The following CNTLN variants were observed in gnomAD, a reference collection of about 807,000 sequenced individuals.
CNTLN encodes centlein, centrosomal protein.
A neutral mutation model predicts 180.0 loss-of-function variants in CNTLN; 212 were observed. The ratio of observed to expected loss-of-function variants is 1.18; its 90% CI spans 1.05 to 1.32. The LOEUF is 1.32. Ranked by LOEUF, CNTLN falls within the 40% of genes most tolerant of loss-of-function variation. CNTLN has a pLI of 0.00. For synonymous variants in CNTLN, 722 were observed against 563.1 expected, an observed-to-expected ratio of 1.28 and a Z score of -3.99; for missense variants, 2,095 against 1,610.9, an observed-to-expected ratio of 1.30 and a Z score of -5.14.
intron 23 of CNTLN, among the ~76,000 whole-genome samples, chr9:17,483,736 C>T (rs1832762644): frequency 6.6e-6 from 1 of 152,282 alleles, no homozygotes; most frequent in South Asian, 2.1e-4. Flanking sequence ...TTTCTTCAAT[C>T]CTTCATTGTT....
At chr9:17,491,188 A>G (rs1833142895) in intron 25 of CNTLN, among the ~76,000 whole-genome samples, 1 of 152,070 alleles carries the variant, frequency 6.6e-6, no homozygotes, top group East Asian at 1.9e-4. Context: ...AATGAAAATA[A>G]TTAGTGGAAA....
chr9:17,263,675 C>G (rs141406804), intron 5 of CNTLN, among the ~76,000 whole-genome samples: 2 of 143,284 alleles, frequency 1.4e-5, no homozygotes, highest in Admixed American at 6.9e-5. Context: ...TAAAAGTGTT[C>G]CTATTTCTGC....
chr9:17,475,651 T>A (rs1330051713), intron 23 of CNTLN, among the ~76,000 whole-genome samples: 4 of 151,898 alleles, frequency 2.6e-5, no homozygotes, highest in African/African-American at 4.8e-5. Flanking sequence ...GGTGGGTGGA[T>A]CACGAGGTCA....
intron 5 of CNTLN, among the ~76,000 whole-genome samples, chr9:17,241,039 T>C (rs974022159): frequency 3.9e-5 from 6 of 152,106 alleles, no homozygotes; most frequent in Admixed American, 3.9e-4. Flanking sequence ...TTTGTATTTT[T>C]AGTAGAGACG....
intron 3 of CNTLN, among the ~76,000 whole-genome samples, chr9:17,232,064 G>A (rs1440854116): frequency 1.3e-5 from 2 of 151,960 alleles, no homozygotes; most frequent in Non-Finnish European, 2.9e-5. Context: ...AGAAAGATTT[G>A]TTGAAAAATA....
intron 18 of CNTLN, among the ~76,000 whole-genome samples, chr9:17,452,808 G>C (rs1295122978): frequency 6.6e-6 from 1 of 152,052 alleles, no homozygotes; most frequent in Non-Finnish European, 1.5e-5. Flanking sequence ...TCCCATATAA[G>C]AAAACAAGGG....
At chr9:17,461,183 T>C (rs904235394) in intron 19 of CNTLN, among the ~76,000 whole-genome samples, 1 of 151,588 alleles carries the variant, frequency 6.6e-6, no homozygotes, top group African/African-American at 2.4e-5. Context: ...ATTTATGATA[T>C]GATATCACTA....
chr9:17,380,988 C>A (rs7028582), intron 13 of CNTLN, among the ~76,000 whole-genome samples: 134,043 of 152,212 alleles, frequency 0.88, 59,330 homozygotes, highest in Non-Finnish European at 0.92. Context: ...GGCACACTGT[C>A]ACCTCCACCC....
intron 15 of CNTLN, among the ~76,000 whole-genome samples, chr9:17,398,720 T>C (rs531785345): frequency 2.0e-5 from 3 of 152,198 alleles, no homozygotes; most frequent in African/African-American, 7.2e-5. Context: ...TCTTTAACTC[T>C]TTGAGGCATG....
At chr9:17,368,876 C>A (rs561225256) in intron 13 of CNTLN, among the ~76,000 whole-genome samples, 1 of 152,156 alleles carries the variant, frequency 6.6e-6, no homozygotes, top group South Asian at 2.1e-4. Flanking sequence ...CTGAATCAAT[C>A]CTACTGCCTT....
chr9:17,474,866 T>G (rs1255776306), intron 23 of CNTLN, among the ~76,000 whole-genome samples: 1 of 137,636 alleles, frequency 7.3e-6, no homozygotes, highest in Non-Finnish European at 1.6e-5. Flanking sequence ...AGACTCCACC[T>G]CAAAAAAAAA....
intron 18 of CNTLN, among the ~76,000 whole-genome samples, chr9:17,422,486 C>A (rs1050560973): frequency 6.6e-6 from 1 of 152,124 alleles, no homozygotes; most frequent in Non-Finnish European, 1.5e-5. Flanking sequence ...ATCAAGTCTG[C>A]TGTTGAGAGA....
At chr9:17,312,031 C>T (rs1819171062) in intron 8 of CNTLN, among the ~76,000 whole-genome samples, 1 of 151,902 alleles carries the variant, frequency 6.6e-6, no homozygotes, top group East Asian at 1.9e-4. Flanking sequence ...TATGCCTGTT[C>T]ATATATGTAG....
chr9:17,324,184 A>G (rs1340940739), intron 8 of CNTLN, among the ~76,000 whole-genome samples: 2 of 152,208 alleles, frequency 1.3e-5, no homozygotes, highest in African/African-American at 4.8e-5. Flanking sequence ...TAGAGTATGT[A>G]TTATAGTAAG....
chr9:17,356,000 C>A (rs1460563674), intron 12 of CNTLN, among the ~76,000 whole-genome samples: 2 of 149,092 alleles, frequency 1.3e-5, no homozygotes, highest in African/African-American at 5.0e-5. Context: ...GGAGGTGGAG[C>A]TTGCAGTGAG....
At chr9:17,165,436 A>G in intron 2 of CNTLN, among the ~76,000 whole-genome samples, 1 of 152,224 alleles carries the variant, frequency 6.6e-6, no homozygotes. Context: ...AGGTGAATTG[A>G]TAAGTGGTAA....
intron 16 of CNTLN, 62 bp from the exon 17 acceptor site, chr9:17,415,726 A>G (rs1244961247): frequency 2.0e-6 from 2 of 1,012,644 alleles, no homozygotes; most frequent in Non-Finnish European, 3.1e-6. Context: ...TGTTATTTAT[A>G]TCAGTTCACT....
chr9:17,155,332 A>C (rs1819197678), intron 2 of CNTLN, among the ~76,000 whole-genome samples: 1 of 152,310 alleles, frequency 6.6e-6, no homozygotes, highest in African/African-American at 2.4e-5. Flanking sequence ...GAGGAGGCAG[A>C]CTGACCCTTA....
chr9:17,289,888 G>T (rs1302359938), intron 6 of CNTLN, among the ~76,000 whole-genome samples: 1 of 131,758 alleles, frequency 7.6e-6, no homozygotes, highest in Non-Finnish European at 1.6e-5. Context: ...CTCTGTATTG[G>T]TTATTCTAGG....
Sources: allele counts gnomAD v4.1 joint callset (sites outside exome capture counted in the v4.1 genomes callset), GRCh38; gene constraint gnomAD v4.1.1; transcripts MANE v1.5; gene names NCBI Gene and HGNC (gene_info 2026-07-23, HGNC 2026-07-21).